The following ZNF487 variants were observed in gnomAD, a reference collection of about 807,000 sequenced individuals.
The protein encoded by ZNF487 is zinc finger protein 487.
ZNF487 carries 4 observed loss-of-function variants against 3.0 expected under a neutral mutation model. The ratio of observed to expected loss-of-function variants is 1.35; its 90% CI spans 0.66 to 3.08. The LOEUF (loss-of-function observed/expected upper bound fraction) is 3.08, where lower values mean the gene tolerates loss of function less well. Among genes scored for constraint, ZNF487 ranks in the 30% most tolerant of loss-of-function variants. The pLI, the probability that ZNF487 is intolerant of heterozygous loss-of-function variation, is 0.01. For synonymous variants in ZNF487, 55 were observed against 34.6 expected (o/e 1.59, Z -2.06); for missense variants, 146 against 98.7 (o/e 1.48, Z -2.03).
At chr10:43,491,712 C>T in the ZNF487 span, among the ~76,000 whole-genome samples, 1 of 151,746 alleles carries the variant, frequency 6.6e-6, no homozygotes, top group Non-Finnish European at 1.5e-5. Context: ...ATTTCCCCAT[C>T]TTTCTTTTGC....
chr10:43,447,227 G>A (rs897484219), intron 1 of ZNF487, among the ~76,000 whole-genome samples: 3 of 133,994 alleles, frequency 2.2e-5, no homozygotes, highest in East Asian at 4.2e-4. Context: ...CGGAGACGAC[G>A]GAGAGGGGAG....
the ZNF487 span, chr10:43,523,754 C>T: frequency 6.6e-6 from 1 of 152,240 alleles, no homozygotes; most frequent in East Asian, 1.9e-4. Flanking sequence ...AACTAAGAGC[C>T]TTTTCTGACA....
At chr10:43,464,172 CTTTTTTTTTCT>C (rs1840554941) in intron 1 of ZNF487, among the ~76,000 whole-genome samples, 1 of 149,210 alleles carries the variant, frequency 6.7e-6, no homozygotes, top group Admixed American at 6.7e-5. Context: ...CAAAGGAAAA[CTTTTTTTTTCT>C]TTTTTTTTTT....
intron 1 of ZNF487, among the ~76,000 whole-genome samples, chr10:43,471,672 G>GGTCAGGTTGCCCCTTCCCTGAA (rs1286121913): frequency 1.3e-5 from 2 of 152,168 alleles, no homozygotes; most frequent in Admixed American, 6.5e-5. Flanking sequence ...CCTTCCCTGA[G>GGTCAGGTTGCCCCTTCCCTGAA]GTCAGGTTGC....
At chr10:43,466,398 C>T (rs536294335) in intron 1 of ZNF487, among the ~76,000 whole-genome samples, 69 of 149,178 alleles carry the variant, frequency 4.6e-4, no homozygotes, top group South Asian at 4.1e-3. Context: ...TTCTTTTTTT[C>T]TTTCTTTCTT....
chr10:43,447,104 A>T (rs1205804706), intron 1 of ZNF487, among the ~76,000 whole-genome samples: 1 of 151,992 alleles, frequency 6.6e-6, no homozygotes, highest in Non-Finnish European at 1.5e-5. Context: ...CAGGAGAATC[A>T]GGCAGGGAGG....
At chr10:43,490,006 A>G in the ZNF487 span, among the ~76,000 whole-genome samples, 2 of 152,232 alleles carry the variant, frequency 1.3e-5, no homozygotes, top group African/African-American at 4.8e-5. Context: ...CCATTTATAT[A>G]CTATAGACAA....
At chr10:43,451,056 C>G (rs1386262459) in intron 1 of ZNF487, among the ~76,000 whole-genome samples, 1 of 150,832 alleles carries the variant, frequency 6.6e-6, no homozygotes, top group Admixed American at 6.6e-5. Flanking sequence ...CAAGGATTCT[C>G]CTGCCCCAGC....
chr10:43,485,107 C>G (rs1350236349), downstream of ZNF487, among the ~76,000 whole-genome samples: 2 of 152,232 alleles, frequency 1.3e-5, no homozygotes, highest in Admixed American at 1.3e-4. Flanking sequence ...CTTACCTCCT[C>G]TTTCCCAGCA....
chr10:43,514,015 T>A, the ZNF487 span, among the ~76,000 whole-genome samples: 1 of 152,170 alleles, frequency 6.6e-6, no homozygotes, highest in South Asian at 2.1e-4. Context: ...TTGTCGGTAA[T>A]GTAGTAGGGT....
In ZNF487 at chr10:43,481,700, GA is replaced by G; in HGVS notation, c.405del (p.Lys135AsnfsTer6). On this transcript the variant is annotated frameshift_variant, in exon 4 of 4. Coordinates refer to ENST00000437590, the MANE Select transcript of ZNF487 (RefSeq NM_001355444.3). LOFTEE classifies it low-confidence loss of function (END_TRUNC). ...ACCCTGCTGAGTGTAATGTACGTGGGAAATTTCTCCTCTGTATGAAGCGTGA... is the reference window on the plus strand; with the variant it reads ...ACCCTGCTGAGTGTAATGTACGTGGGAATTTCTCCTCTGTATGAAGCGTGA... ...RNPAECNVRG[K>X]FLLCMKRENP... is the part of the protein sequence containing the mutation. 1.4e-6 allele frequency: 1 copy of G among 713,040 alleles called. No homozygotes were observed. 44.2% of individuals were successfully genotyped at this position (713,040 alleles called of 1,614,324 possible).
At chr10:43,463,063 T>C (rs1161329769) in intron 1 of ZNF487, among the ~76,000 whole-genome samples, 2 of 151,804 alleles carry the variant, frequency 1.3e-5, no homozygotes, top group African/African-American at 2.4e-5. Context: ...GGAGAAACCC[T>C]GTCTCTACTA....
the ZNF487 span, among the ~76,000 whole-genome samples, chr10:43,499,607 C>G: frequency 1.3e-5 from 2 of 152,032 alleles, no homozygotes; most frequent in South Asian, 4.2e-4. Flanking sequence ...AAAAATTAGC[C>G]AGGCAAAGTG....
At chr10:43,451,021 C>T (rs1283719658) in intron 1 of ZNF487, among the ~76,000 whole-genome samples, 3 of 151,904 alleles carry the variant, frequency 2.0e-5, no homozygotes, top group Non-Finnish European at 2.9e-5. Context: ...GATCTTGGCT[C>T]ACTGCAACCT....
At chr10:43,457,561 A>AG (rs1439163863) in intron 1 of ZNF487, among the ~76,000 whole-genome samples, 1 of 149,918 alleles carries the variant, frequency 6.7e-6, no homozygotes, top group Non-Finnish European at 1.5e-5. Context: ...TCTTGGGGAA[A>AG]AAAAAAAAAA....
chr10:43,489,462 T>C, the ZNF487 span, among the ~76,000 whole-genome samples: 1 of 152,180 alleles, frequency 6.6e-6, no homozygotes. Flanking sequence ...CAAGCAATTC[T>C]CATGTCTCAG....
At chr10:43,459,199 C>G (rs1840329092) in intron 1 of ZNF487, among the ~76,000 whole-genome samples, 1 of 152,040 alleles carries the variant, frequency 6.6e-6, no homozygotes, top group African/African-American at 2.4e-5. Context: ...CTCATTATTG[C>G]TGTTCCCAAG....
the ZNF487 span, among the ~76,000 whole-genome samples, chr10:43,514,009 C>T: frequency 5.3e-5 from 8 of 152,102 alleles, no homozygotes; most frequent in Admixed American, 2.0e-4. Flanking sequence ...TGTAAATTGT[C>T]GGTAATGTAG....
chr10:43,442,179 A>G (rs949071773), intron 1 of ZNF487, among the ~76,000 whole-genome samples: 1 of 152,000 alleles, frequency 6.6e-6, no homozygotes, highest in African/African-American at 2.4e-5. Flanking sequence ...ATAGTGAGCT[A>G]TAGTAACACC....
Sources: gnomAD v4.1 joint callset for allele counts (sites outside exome capture counted in the v4.1 genomes callset) on GRCh38, gnomAD v4.1.1 for gene constraint, MANE v1.5 for transcripts, NCBI Gene and HGNC (gene_info 2026-07-23, HGNC 2026-07-21) for gene names.